FAM110B: variants seen among roughly 807,000 people sequenced by gnomAD.
FAM110B encodes protein FAM110B.
In FAM110B, 6 loss-of-function variants were observed where a neutral mutation model predicts 20.4. That is an observed-to-expected ratio of 0.29 (90% CI 0.16 to 0.58). The LOEUF (loss-of-function observed/expected upper bound fraction) is 0.58. Ranked by LOEUF, FAM110B falls within the 20% of genes least tolerant of loss-of-function variation. FAM110B has a pLI of 0.90. For missense variants in FAM110B, 434 were observed against 498.2 expected (o/e 0.87, Z 1.23); for synonymous variants, 226 against 214.1 (o/e 1.06, Z -0.49).
At chr8:58,020,373 T>A (rs1429841645) in intron 1 of FAM110B, among the ~76,000 whole-genome samples, 5 of 152,246 alleles carry the variant, frequency 3.3e-5, no homozygotes, top group Non-Finnish European at 7.3e-5. Context: ...TTTTCAGTTT[T>A]AAATTTTTAA....
At chr8:58,102,553 G>A (rs1345880541) in intron 3 of FAM110B, among the ~76,000 whole-genome samples, 2 of 152,118 alleles carry the variant, frequency 1.3e-5, no homozygotes, top group African/African-American at 2.4e-5. Flanking sequence ...ATTTATTTGG[G>A]CAAGGATTAC....
At chr8:58,012,199 C>G (rs1187147635) in intron 1 of FAM110B, among the ~76,000 whole-genome samples, 2 of 151,832 alleles carry the variant, frequency 1.3e-5, no homozygotes, top group African/African-American at 4.8e-5. Flanking sequence ...CTAGCTTGAC[C>G]TCTGTATTAT....
rs983883193 is a variant in FAM110B at position 58,145,750 on chromosome 8, C to G, written c.-324-157C>G. Among the ~76,000 whole-genome samples the G allele has an allele frequency of 1.6e-4, 24 of 152,234 alleles. No homozygotes were observed. The East Asian group carries it at 4.3e-3, about 27-fold the overall frequency. On this transcript the variant is annotated intron_variant, in intron 3 of 3. Coordinates refer to ENST00000519262, the MANE Select transcript of FAM110B (RefSeq NM_001377989.1). ...GCAGGCGGGGGCGCAAGGCCCGGGTCGTCCCCCTCGCGCGGTCGGGAAAAC... is the reference window on the plus strand; with the variant it reads ...GCAGGCGGGGGCGCAAGGCCCGGGTGGTCCCCCTCGCGCGGTCGGGAAAAC...
chr8:58,052,902 C>A (rs569076743), intron 2 of FAM110B, among the ~76,000 whole-genome samples: 1 of 149,010 alleles, frequency 6.7e-6, no homozygotes, highest in African/African-American at 2.5e-5. Flanking sequence ...TCTCCTGCCT[C>A]AGCCTCCCGA....
At chr8:58,143,235 G>GCCTTA (rs1385471540) in intron 3 of FAM110B, among the ~76,000 whole-genome samples, 1 of 152,202 alleles carries the variant, frequency 6.6e-6, no homozygotes, top group Non-Finnish European at 1.5e-5. Flanking sequence ...CTTGGAGTAT[G>GCCTTA]CCTTAGTATC....
chr8:58,030,369 GA>G (rs1386195571), intron 1 of FAM110B, among the ~76,000 whole-genome samples: 2 of 152,186 alleles, frequency 1.3e-5, no homozygotes, highest in Non-Finnish European at 2.9e-5. Flanking sequence ...TGAAAGTTTT[GA>G]AAGTGAGTGG....
chr8:58,073,661 T>C (rs1805961118), intron 2 of FAM110B, among the ~76,000 whole-genome samples: 1 of 152,250 alleles, frequency 6.6e-6, no homozygotes, highest in Admixed American at 6.5e-5. Context: ...CTTTGATTGC[T>C]ATTATACTCT....
chr8:58,063,665 C>T (rs1585854219), intron 2 of FAM110B, among the ~76,000 whole-genome samples: 1 of 152,208 alleles, frequency 6.6e-6, no homozygotes, highest in Non-Finnish European at 1.5e-5. Context: ...AACCTTCATG[C>T]TCTACCTGTA....
intron 1 of FAM110B, among the ~76,000 whole-genome samples, chr8:58,025,774 G>A (rs968813244): frequency 6.6e-6 from 1 of 152,172 alleles, no homozygotes; most frequent in African/African-American, 2.4e-5. Flanking sequence ...TTGCCAGGAT[G>A]TTCTTATCAT....
intron 3 of FAM110B, chr8:58,099,138 C>T (rs1020123520): frequency 2.0e-5 from 3 of 151,990 alleles, no homozygotes; most frequent in African/African-American, 7.3e-5. Flanking sequence ...GGTGTAATAC[C>T]TCAAGGGATG....
intron 2 of FAM110B, among the ~76,000 whole-genome samples, chr8:58,052,266 C>T (rs532258632): frequency 2.6e-5 from 4 of 152,194 alleles, no homozygotes; most frequent in African/African-American, 9.6e-5. Context: ...AGCTTTGTTA[C>T]CATGGGAAGG....
chr8:58,121,631 C>T (rs1807363142), intron 3 of FAM110B, among the ~76,000 whole-genome samples: 1 of 152,086 alleles, frequency 6.6e-6, no homozygotes, highest in Non-Finnish European at 1.5e-5. Flanking sequence ...TGCATAGTAT[C>T]CTTTAACCAT....
At chr8:58,016,783 G>T (rs1585813631) in intron 1 of FAM110B, among the ~76,000 whole-genome samples, 1 of 152,284 alleles carries the variant, frequency 6.6e-6, no homozygotes, top group Non-Finnish European at 1.5e-5. Context: ...CTGGTGCAAT[G>T]AGCAGCATGG....
intron 3 of FAM110B, among the ~76,000 whole-genome samples, chr8:58,131,035 C>G (rs1803451287): frequency 6.6e-6 from 1 of 152,166 alleles, no homozygotes; most frequent in Admixed American, 6.5e-5. Context: ...CAGGCCCCAT[C>G]CCACAGAAGC....
intron 3 of FAM110B, among the ~76,000 whole-genome samples, chr8:58,115,296 C>A (rs1035774715): frequency 6.6e-6 from 1 of 152,178 alleles, no homozygotes; most frequent in African/African-American, 2.4e-5. Flanking sequence ...GAATTCTATA[C>A]ACAGCACAGG....
chr8:58,056,078 C>T (rs1805541910), intron 2 of FAM110B, among the ~76,000 whole-genome samples: 1 of 152,188 alleles, frequency 6.6e-6, no homozygotes, highest in Admixed American at 6.5e-5. Flanking sequence ...TTTATTAGCA[C>T]ACAACCGTGA....
intron 2 of FAM110B, among the ~76,000 whole-genome samples, chr8:58,054,303 A>C (rs1805511389): frequency 6.6e-6 from 1 of 152,184 alleles, no homozygotes; most frequent in Non-Finnish European, 1.5e-5. Flanking sequence ...ACATCTCCTG[A>C]GGAGAAGATT....
chr8:58,049,216 A>T (rs1222903812), intron 2 of FAM110B, among the ~76,000 whole-genome samples: 1 of 152,032 alleles, frequency 6.6e-6, no homozygotes, highest in Non-Finnish European at 1.5e-5. Flanking sequence ...ATAACTTTCT[A>T]TTTGGGGGAT....
chr8:58,011,923 C>G (rs1291093009), intron 1 of FAM110B, among the ~76,000 whole-genome samples: 4 of 152,204 alleles, frequency 2.6e-5, no homozygotes, highest in Non-Finnish European at 5.9e-5. Context: ...ACCTTCGTGA[C>G]TGAGTAGCCC....
Sources: allele counts gnomAD v4.1 joint callset (sites outside exome capture counted in the v4.1 genomes callset), GRCh38; gene constraint gnomAD v4.1.1; transcripts MANE v1.5; gene names NCBI Gene and HGNC (gene_info 2026-07-23, HGNC 2026-07-21).